Variants in WWOX observed in about 807,000 individuals in gnomAD.
The protein encoded by WWOX is WW domain-containing oxidoreductase.
Under a neutral mutation model 46.2 loss-of-function variants are expected in WWOX, and 69 were observed. The ratio of observed to expected loss-of-function variants is 1.49; its 90% confidence interval spans 1.23 to 1.82. WWOX has a LOEUF of 1.82. Among genes scored for constraint, WWOX ranks in the 40% most tolerant of loss-of-function variants. The probability of loss-of-function intolerance (pLI) is 0.00; values close to 1 mark genes in which losing one functional copy is unlikely to be tolerated. For synonymous variants in WWOX, 359 were observed against 202.6 expected (o/e 1.77, Z -6.56); for missense variants, 919 against 542.6 (o/e 1.69, Z -6.89).
At chr16:78,939,099 G>A (rs750746345) in intron 8 of WWOX, among the ~76,000 whole-genome samples, 4 of 152,208 alleles carry the variant, frequency 2.6e-5, no homozygotes, top group Non-Finnish European at 4.4e-5. Flanking sequence ...AGACAGGACA[G>A]TGGCCCCGCT....
intron 6 of WWOX, among the ~76,000 whole-genome samples, chr16:78,414,245 A>G (rs967643177): frequency 3.3e-5 from 5 of 151,894 alleles, no homozygotes; most frequent in African/African-American, 4.8e-5. Flanking sequence ...CCCTTTTTCA[A>G]ACTCCGTCTG....
chr16:78,480,496 ATTG>A (rs1160674153), intron 8 of WWOX, among the ~76,000 whole-genome samples: 2 of 152,250 alleles, frequency 1.3e-5, no homozygotes, highest in African/African-American at 2.4e-5. Context: ...AAATAGGACT[ATTG>A]TTGTCCATAT....
chr16:78,356,313 C>A (rs752198824), intron 5 of WWOX, among the ~76,000 whole-genome samples: 1 of 101,710 alleles, frequency 9.8e-6, no homozygotes, highest in Non-Finnish European at 2.1e-5. Flanking sequence ...TGATTTATGT[C>A]TCACATATTC....
intron 8 of WWOX, among the ~76,000 whole-genome samples, chr16:78,749,095 G>C (rs909458232): frequency 3.9e-5 from 6 of 152,156 alleles, no homozygotes; most frequent in Non-Finnish European, 7.3e-5. Flanking sequence ...TAGTGCTTAG[G>C]GGTTGGTGGA....
intron 8 of WWOX, among the ~76,000 whole-genome samples, chr16:78,610,953 G>A (rs2045886539): frequency 6.6e-6 from 1 of 152,194 alleles, no homozygotes; most frequent in South Asian, 2.1e-4. Flanking sequence ...TCAGAGACAT[G>A]TTTCTTAACA....
At chr16:78,632,197 C>G (rs974876744) in intron 8 of WWOX, among the ~76,000 whole-genome samples, 2 of 151,974 alleles carry the variant, frequency 1.3e-5, no homozygotes, top group African/African-American at 4.8e-5. Flanking sequence ...GCAGAATGCC[C>G]CTGTCTTTCT....
At chr16:78,575,459 CA>C (rs1054197511) in intron 8 of WWOX, among the ~76,000 whole-genome samples, 2 of 151,846 alleles carry the variant, frequency 1.3e-5, no homozygotes, top group Non-Finnish European at 2.9e-5. Context: ...GAGGGATGCT[CA>C]GGAAACCAAA....
intron 8 of WWOX, among the ~76,000 whole-genome samples, chr16:78,707,388 C>T (rs916014097): frequency 6.6e-6 from 1 of 152,108 alleles, no homozygotes; most frequent in Non-Finnish European, 1.5e-5. Flanking sequence ...TTGTCTGTGC[C>T]ACCTCACCAG....
Position 78,342,179 on chromosome 16 carries a change from A to C in WWOX, c.517-44681A>C, listed in dbSNP as rs750753843. 1.9e-4 allele frequency among the ~76,000 whole-genome samples: 23 copies of C among 121,338 alleles called. 7 individuals are homozygous for C. The highest frequency in any genetic ancestry group is 8.8e-4 in the Admixed American group (11 of 12,564). The allele number at this position is 121,338 out of a possible 152,430, so 79.6% of individuals were successfully genotyped here. A position where few individuals can be genotyped will look rare whatever the true frequency, so the allele number is the denominator to read the frequency against. On this transcript the variant is annotated intron_variant, in intron 5 of 8. Coordinates refer to ENST00000566780, the MANE Select transcript of WWOX (RefSeq NM_016373.4). ...GGAAGGCTGAATGCTTTATCAGAAA[A>C]CTGTATTTGGAGGGGACCTTTCTGG...
intron 8 of WWOX, among the ~76,000 whole-genome samples, chr16:78,978,640 A>C (rs1331988218): frequency 2.0e-5 from 3 of 152,172 alleles, no homozygotes; most frequent in Non-Finnish European, 4.4e-5. Flanking sequence ...GGAAACTTAT[A>C]ATCATGGCAG....
chr16:78,167,772 C>G (rs1862438764), intron 5 of WWOX: 1 of 152,178 alleles, frequency 6.6e-6, no homozygotes, highest in African/African-American at 2.4e-5. Context: ...GTCGTAAGGC[C>G]TTCTTGCTCT....
At chr16:78,389,884 G>A (rs944330490) in intron 6 of WWOX, among the ~76,000 whole-genome samples, 1 of 152,042 alleles carries the variant, frequency 6.6e-6, no homozygotes, top group Non-Finnish European at 1.5e-5. Flanking sequence ...AGAGTAGCTG[G>A]GATTACAGGT....
At chr16:78,836,889 G>A (rs1051614585) in intron 8 of WWOX, among the ~76,000 whole-genome samples, 5 of 152,244 alleles carry the variant, frequency 3.3e-5, no homozygotes, top group South Asian at 2.1e-4. Flanking sequence ...GGGCTTTTGC[G>A]AAGAAGTTTT....
At chr16:78,828,110 C>T (rs2051713794) in intron 8 of WWOX, among the ~76,000 whole-genome samples, 1 of 152,124 alleles carries the variant, frequency 6.6e-6, no homozygotes, top group Non-Finnish European at 1.5e-5. Context: ...AATGACACCC[C>T]TGCCAACATT....
At chr16:79,013,298 G>A (rs957347636) in intron 8 of WWOX, among the ~76,000 whole-genome samples, 98 of 152,192 alleles carry the variant, frequency 6.4e-4, no homozygotes, top group Non-Finnish European at 3.1e-4. Context: ...GTCCTCATGC[G>A]CTCTGATCTG....
intron 5 of WWOX, among the ~76,000 whole-genome samples, chr16:78,331,279 C>A (rs1425578128): frequency 6.6e-6 from 1 of 152,086 alleles, no homozygotes; most frequent in Non-Finnish European, 1.5e-5. Flanking sequence ...TTAGAAGTCA[C>A]GTCGATTTTC....
At chr16:78,853,550 T>C (rs1375318013) in intron 8 of WWOX, among the ~76,000 whole-genome samples, 4 of 152,226 alleles carry the variant, frequency 2.6e-5, no homozygotes, top group Non-Finnish European at 5.9e-5. Context: ...TGCTCTCCAT[T>C]ACTCATGAAT....
At chr16:78,232,580 A>G (rs1001279045) in intron 5 of WWOX, among the ~76,000 whole-genome samples, 24 of 152,196 alleles carry the variant, frequency 1.6e-4, no homozygotes, top group African/African-American at 5.8e-4. Context: ...TTTTGGGTCA[A>G]GATAAGAAAA....
At chr16:78,782,138 A>C (rs1467924743) in intron 8 of WWOX, among the ~76,000 whole-genome samples, 1 of 151,966 alleles carries the variant, frequency 6.6e-6, no homozygotes, top group East Asian at 1.9e-4. Flanking sequence ...CACTGGCTTT[A>C]ATTTCCCCCT....
Sources: gnomAD v4.1 joint callset for allele counts (sites outside exome capture counted in the v4.1 genomes callset) on GRCh38, gnomAD v4.1.1 for gene constraint, MANE v1.5 for transcripts, NCBI Gene and HGNC (gene_info 2026-07-23, HGNC 2026-07-21) for gene names.